The following NT5DC4 variants were observed in gnomAD, a reference collection of about 807,000 sequenced individuals.
NT5DC4 encodes the protein 5'-nucleotidase domain-containing protein 4.
A neutral mutation model predicts 26.6 loss-of-function variants in NT5DC4; 44 were observed. The observed-to-expected ratio is 1.65, with a 90% confidence interval of 1.30 to 2.13. The LOEUF (loss-of-function observed/expected upper bound fraction) is 2.13. Ranked by LOEUF, NT5DC4 falls within the 30% of genes most tolerant of loss-of-function variation. The pLI, the probability that NT5DC4 is intolerant of heterozygous loss-of-function variation, is 0.00. For synonymous variants in NT5DC4, 157 were observed against 86.7 expected, an observed-to-expected ratio of 1.81 and a Z score of -4.51; for missense variants, 399 against 228.1, an observed-to-expected ratio of 1.75 and a Z score of -4.83.
At chr2:112,724,432 G>A (rs934527255) in intron 10 of NT5DC4, 1 of 577,240 alleles carries the variant, frequency 1.7e-6, no homozygotes, top group Non-Finnish European at 3.1e-6. Flanking sequence ...GGAGTGACAG[G>A]TCCTGGGCAC....
At chr2:112,720,246 T>C (rs540698464), upstream of NT5DC4, among the ~76,000 whole-genome samples, 20 of 150,484 alleles carry the variant, frequency 1.3e-4, no homozygotes, top group African/African-American at 4.6e-4. Context: ...TTCGTATTTT[T>C]AGTAGAGACA....
intron 16 of NT5DC4, among the ~76,000 whole-genome samples, chr2:112,736,346 G>A (rs1679166086): frequency 6.8e-6 from 1 of 147,686 alleles, no homozygotes. Context: ...TCTAATTCTT[G>A]CATTTTGGTG....
chr2:112,721,084 C>T lies in NT5DC4; in HGVS notation c.5C>T (p.Ala2Val), dbSNP rs1166999056. Among the ~76,000 whole-genome samples the T allele has an allele frequency of 7.9e-5, 12 of 152,134 alleles. No individual in the cohort carries two copies. Among genetic ancestry groups the T allele is most frequent in the Admixed American group, 7.2e-4 (11 of 15,274 alleles). Residue 2 changes from alanine (A) to valine (V), a missense_variant, in exon 1 of 17, where the codon GCC becomes GTC. Coordinates refer to ENST00000688554, the MANE Select transcript of NT5DC4 (RefSeq NM_001393655.1). The stretch of plus-strand genomic sequence containing the variant: ...TCCTCCTCACTCTGGGTGACGATGG[C>T]CAGTGTAGACTGGAGAGAGCCGGAG... M[A>V]SVDWREPEGL... is the part of the protein sequence containing the mutation.
chr2:112,720,010 TTCC>T (rs1676748079), upstream of NT5DC4, among the ~76,000 whole-genome samples: 1 of 117,554 alleles, frequency 8.5e-6, no homozygotes, highest in African/African-American at 4.4e-5. Context: ...TTCTTTTCTT[TTCC>T]CTTCCTTCCT....
chr2:112,726,168 CACAG>C lies in NT5DC4; in HGVS notation c.1154-69_1154-66del, dbSNP rs1022712935. 4 of 715,040 alleles carry C rather than the reference CACAG, an allele frequency of 5.6e-6. No homozygotes were observed. In the African/African-American group the frequency reaches 7.0e-5, roughly 12 times the overall value. The allele number at this position is 715,040 out of a possible 1,614,324, so 44.3% of individuals were successfully genotyped here. A position where few individuals can be genotyped will look rare whatever the true frequency, so the allele number is the denominator to read the frequency against. The stretch of plus-strand genomic sequence containing the variant: ...AAGTCCTCCGCTGGGCCAGGGCAGA[CACAG>C]GCAGGCAGGGCCAGTGGGTGACACA... On this transcript the variant is annotated intron_variant, in intron 13 of 16. Transcript: ENST00000688554.
At chr2:112,725,080 T>C in intron 11 of NT5DC4, 94 bp from the exon 12 acceptor site, 1 of 657,990 alleles carries the variant, frequency 1.5e-6, no homozygotes, top group South Asian at 1.7e-5. Flanking sequence ...CCCCCCATGG[T>C]TACCTCTGCC....
Position 112,725,417 on chromosome 2 carries a change from C to T in NT5DC4, c.1018C>T (p.Arg340Trp), listed in dbSNP as rs1329455973. 20 of 715,310 alleles carry T rather than the reference C, an allele frequency of 2.8e-5. No homozygotes were observed. Among genetic ancestry groups the T allele is most frequent in the Non-Finnish European group, 4.2e-5 (16 of 383,638 alleles). The allele number at this position is 715,310 out of a possible 1,614,324, so 44.3% of individuals were successfully genotyped here. Residue 340 changes from arginine (R) to tryptophan (W), a missense_variant, in exon 13 of 17, where the codon CGG becomes TGG. Coordinates refer to ENST00000688554, the MANE Select transcript of NT5DC4 (RefSeq NM_001393655.1). ...CATGGTGTGCGAGCTGCTTGGGGTT[C>T]GGGGGATGGACATCCTGTACATTGG... is the stretch of plus-strand genomic sequence containing the variant. ...SDMVCELLGV[R>W]GMDILYIGDH... is the part of the protein sequence containing the mutation.
downstream of NT5DC4, among the ~76,000 whole-genome samples, chr2:112,739,975 A>G (rs1319468848): frequency 6.6e-6 from 1 of 151,292 alleles, no homozygotes; most frequent in Non-Finnish European, 1.5e-5. Context: ...TTTTTTTGAG[A>G]TGGAGTTTCA....
chr2:112,727,778 G>T (rs1677935548), intron 15 of NT5DC4, among the ~76,000 whole-genome samples: 1 of 148,660 alleles, frequency 6.7e-6, no homozygotes, highest in Non-Finnish European at 1.5e-5. Context: ...TTTCAATTCA[G>T]TGTGTTGCCC....
downstream of NT5DC4, chr2:112,742,483 C>A (rs1018934921): frequency 1.4e-6 from 1 of 718,068 alleles, no homozygotes; most frequent in Non-Finnish European, 2.6e-6. Flanking sequence ...CCAGTCTAGG[C>A]TGTTTTGGTG....
intron 6 of NT5DC4, 127 bp downstream of exon 6, chr2:112,722,898 GGC>G: frequency 1.2e-5 from 2 of 163,764 alleles, no homozygotes; most frequent in Middle Eastern, 3.3e-3. Context: ...TCAGTGGGAA[GGC>G]CTCTATTGCA....
upstream of NT5DC4, among the ~76,000 whole-genome samples, chr2:112,720,925 C>G (rs1354938716): frequency 6.6e-6 from 1 of 152,206 alleles, no homozygotes; most frequent in African/African-American, 2.4e-5. Context: ...TGACTCCTCC[C>G]TCAAAGGGGC....
chr2:112,719,481 C>CTTTTTTTTTTTTT (rs57789268), upstream of NT5DC4, among the ~76,000 whole-genome samples: 8 of 101,290 alleles, frequency 7.9e-5, no homozygotes, highest in Non-Finnish European at 1.3e-4. Flanking sequence ...ACTTGTCTGT[C>CTTTTTTTTTTTTT]TTTTTTTTTT....
At chr2:112,740,869 G>A, downstream of NT5DC4, 1 of 1,614,098 alleles carries the variant, frequency 6.2e-7, no homozygotes, top group South Asian at 1.1e-5. Context: ...ATGCTGTTCT[G>A]CCTTGGCTAT....
In NT5DC4 at chr2:112,738,942, G is replaced by T. The variant is rs1357746442; in HGVS notation, c.*6G>T. 1.9e-6 allele frequency: 3 copies of T among 1,614,004 alleles called. No individual in the cohort carries two copies. The highest frequency in any genetic ancestry group is 2.5e-6 in the Non-Finnish European group (3 of 1,180,000). ...TCAAGAGAAGCCACTACTAAATCGT[G>T]TTCCTGCAGCATTTCTGGGTAGCGG... On this transcript the variant is annotated 3_prime_UTR_variant, in exon 17 of 17. Transcript: ENST00000688554.
rs1477713899 is a variant in NT5DC4 at position 112,723,810 on chromosome 2, T to C, written c.756+8T>C. 1.4e-6 allele frequency: 1 copy of C among 716,450 alleles called. No homozygotes were observed. Among genetic ancestry groups the C allele is most frequent in the Admixed American group, 2.0e-5 (1 of 49,994 alleles). The allele number at this position is 716,450 out of a possible 1,614,324, so 44.4% of individuals were successfully genotyped here. A position where few individuals can be genotyped will look rare whatever the true frequency, so the allele number is the denominator to read the frequency against. On this transcript the variant is annotated splice_region_variant and intron_variant, in intron 9 of 16. Coordinates refer to ENST00000688554, the MANE Select transcript of NT5DC4 (RefSeq NM_001393655.1). Reference sequence around the variant, plus strand: ...AGCTACAACTACACCAATGTGAGTATGTGTATGGAGGGGTGGACCGTCGGC... The same window carrying C: ...AGCTACAACTACACCAATGTGAGTACGTGTATGGAGGGGTGGACCGTCGGC...
chr2:112,729,518 G>A (rs1218382659), intron 15 of NT5DC4, 109 bp from the exon 16 acceptor site: 1 of 674,674 alleles, frequency 1.5e-6, no homozygotes, highest in South Asian at 1.6e-5. Flanking sequence ...AACATCGTTG[G>A]GCAGGAAGTT....
At chr2:112,740,848 C>A (rs1223466427), downstream of NT5DC4, 3 of 1,611,792 alleles carry the variant, frequency 1.9e-6, no homozygotes, top group Non-Finnish European at 2.5e-6. Flanking sequence ...TAATTTGATA[C>A]CAGGATAATT....
chr2:112,739,013 A>G lies in NT5DC4; in HGVS notation c.*77A>G. ...CGACGAACGCCGTACAGGAGTGATA[A>G]ATTTCATGTCTTGCACTTCCGGCAT... On this transcript the variant is annotated 3_prime_UTR_variant, in exon 17 of 17. Transcript: ENST00000688554. 1 of 1,614,116 alleles carries G rather than the reference A, an allele frequency of 6.2e-7. No homozygotes were observed. Among genetic ancestry groups the G allele is most frequent in the South Asian group, 1.1e-5 (1 of 91,076 alleles).
Sources: gnomAD v4.1 joint callset for allele counts (sites outside exome capture counted in the v4.1 genomes callset) on GRCh38, gnomAD v4.1.1 for gene constraint, MANE v1.5 for transcripts, NCBI Gene and HGNC (gene_info 2026-07-23, HGNC 2026-07-21) for gene names.